The following TM2D2 variants were observed in gnomAD, a reference collection of about 807,000 sequenced individuals.
TM2D2 encodes TM2 domain-containing protein 2.
A neutral mutation model predicts 23.0 loss-of-function variants in TM2D2; 19 were observed. The observed-to-expected ratio is 0.82, with a 90% CI of 0.58 to 1.21. The LOEUF is 1.21. Among genes scored for constraint, TM2D2 ranks in the 50% most tolerant of loss-of-function variants. TM2D2 has a pLI of 0.00. For synonymous variants in TM2D2, 120 were observed against 108.8 expected (o/e 1.10, Z -0.64); for missense variants, 246 against 265.4 (o/e 0.93, Z 0.51).
In TM2D2 at chr8:38,996,286, G is replaced by T; in HGVS notation, c.154C>A (p.Pro52Thr). ...CTCGCAGCACCCCCGGGGCCCTCCGGCTGGGCGGCGCCAGCGGATGTGAGC... is the reference window on the plus strand; with the variant it reads ...CTCGCAGCACCCCCGGGGCCCTCCGTCTGGGCGGCGCCAGCGGATGTGAGC... ...PELTSAGAAQPEGPGGAASWE... is the reference protein window; with the variant it reads ...PELTSAGAAQTEGPGGAASWE... Residue 52 changes from proline (P) to threonine (T), a missense_variant, in exon 1 of 4, where the codon CCG becomes ACG. Physicochemically the swap from Pro to Thr is conservative, Grantham distance 38. This residue lies in a region of TM2D2 where 212 missense variants were observed against 202.2 expected (regional missense o/e 1.05). Coordinates refer to ENST00000456397, the MANE Select transcript of TM2D2 (RefSeq NM_078473.3). 2 of 1,614,042 alleles carry T rather than the reference G, an allele frequency of 1.2e-6. No homozygotes were observed. The highest frequency in any genetic ancestry group is 8.5e-7 in the Non-Finnish European group (1 of 1,180,008).
rs1835542356 is a variant in TM2D2 at position 38,989,513 on chromosome 8, TCTCA to T, written c.*1815_*1818del. The T allele has an allele frequency of 1.3e-5, 2 of 152,330 alleles. 1 individual carries two copies. The highest frequency in any genetic ancestry group is 4.1e-4 in the South Asian group (2 of 4,830). 9.4% of individuals were successfully genotyped at this position (152,330 alleles called of 1,614,324 possible). On this transcript the variant is annotated 3_prime_UTR_variant, in exon 4 of 4. Coordinates refer to ENST00000456397, the MANE Select transcript of TM2D2 (RefSeq NM_078473.3). ...GACTGGGCGGGGGTGGGGGAGTGTG[TCTCA>T]CCATGTTGGCCAGGCTGGTCTCGAA...
rs1427893992 is a variant in TM2D2, at chr8:38,990,366, A to G, written c.*966T>C. 1 of 152,232 alleles carries G rather than the reference A, an allele frequency of 6.6e-6. No homozygotes were observed. The highest frequency in any genetic ancestry group is 6.5e-5 in the Admixed American group (1 of 15,280). The allele number at this position is 152,232 out of a possible 1,614,324, so 9.4% of individuals were successfully genotyped here. ...TTATATTTAATAGTTCTTTCAACTT[A>G]GATTGCAAACGATGAGAACTGAGTT... On this transcript the variant is annotated 3_prime_UTR_variant, in exon 4 of 4. Transcript: ENST00000456397.
intron 1 of TM2D2, 123 bp downstream of exon 1, chr8:38,996,090 G>A (rs1564199771): frequency 2.5e-6 from 3 of 1,185,806 alleles, no homozygotes; most frequent in East Asian, 5.2e-5. Flanking sequence ...TTTGCCTCCG[G>A]AACGACCTCA....
Position 38,996,440 on chromosome 8 carries a change from C to A in TM2D2, c.-1G>T. The A allele has an allele frequency of 6.2e-7, 1 of 1,614,006 alleles. No homozygotes were observed. Among genetic ancestry groups the A allele is most frequent in the African/African-American group, 1.3e-5 (1 of 75,072 alleles). On this transcript the variant is annotated 5_prime_UTR_variant, in exon 1 of 4. Transcript: ENST00000456397. ...TAACCGGGCAACCACCTAGCACCATCTTCCCGGGCACAGGAGCGGAGACCC... is the reference window on the plus strand; with the variant it reads ...TAACCGGGCAACCACCTAGCACCATATTCCCGGGCACAGGAGCGGAGACCC...
Position 38,995,402 on chromosome 8 carries a change from A to G in TM2D2, c.231T>C (p.Pro77=). ...GGTCTTCACATTCTATAAATTCATC[A>G]GGTCTGTAATTCACCAGTAAGATCA... ...HSPVILCSYL[P]DEFIECEDPV... Residue 77 remains proline (P), a synonymous_variant, in exon 2 of 4, where the codon CCT becomes CCC. Coordinates refer to ENST00000456397, the MANE Select transcript of TM2D2 (RefSeq NM_078473.3). 1.9e-6 allele frequency: 3 copies of G among 1,612,542 alleles called. No individual in the cohort carries two copies. Among genetic ancestry groups the G allele is most frequent in the Non-Finnish European group, 2.5e-6 (3 of 1,179,502 alleles).
At position 38,990,227 on chromosome 8, in the gene TM2D2, T is replaced by C. The variant is rs1216094924; in HGVS notation, c.*1105A>G. 1 of 152,272 alleles carries C rather than the reference T, an allele frequency of 6.6e-6. No individual in the cohort carries two copies. 9.4% of individuals were successfully genotyped at this position (152,272 alleles called of 1,614,324 possible). A position where few individuals can be genotyped will look rare whatever the true frequency, so the allele number is the denominator to read the frequency against. ...TTATTTCAACTGTGATATTTGGTCT[T>C]AAATTCAATTATTATTAGGTAAACT... is the stretch of plus-strand genomic sequence containing the variant. On this transcript the variant is annotated 3_prime_UTR_variant, in exon 4 of 4. Coordinates refer to ENST00000456397, the MANE Select transcript of TM2D2 (RefSeq NM_078473.3).
Position 38,990,062 on chromosome 8 carries a change from AAGACAGAAT to A in TM2D2, c.*1261_*1269del, listed in dbSNP as rs1444203580. The A allele has an allele frequency of 1.3e-5, 2 of 152,234 alleles. No homozygotes were observed. The highest frequency in any genetic ancestry group is 2.9e-5 in the Non-Finnish European group (2 of 68,044). 9.4% of individuals were successfully genotyped at this position (152,234 alleles called of 1,614,324 possible). ...AAGGTCAGTGTGGTACAGAACTTTC[AAGACAGAAT>A]AGGATCATCTGTTTTAAATTTTTTA... On this transcript the variant is annotated 3_prime_UTR_variant, in exon 4 of 4. Transcript: ENST00000456397.
At chr8:38,995,659 T>TGGTTTCATC in intron 1 of TM2D2, 1 of 1,369,454 alleles carries the variant, frequency 7.3e-7, no homozygotes, top group Non-Finnish European at 9.4e-7. Flanking sequence ...ACTTCTGCCA[T>TGGTTTCATC]GGTTTCATCT....
chr8:38,993,698 G>C (rs758866679), intron 2 of TM2D2, 38 bp from the exon 3 acceptor site: 12 of 1,465,622 alleles, frequency 8.2e-6, no homozygotes, highest in South Asian at 2.3e-5. Flanking sequence ...CAACTCACCA[G>C]AGCAAGTGAC....
Position 38,991,192 on chromosome 8 carries a change from C to T in TM2D2, c.*140G>A. Reference sequence around the variant, plus strand: ...GTTGAAATTCCAAAGTCCAAAGAAGCCTTCTTAACCAAACAAATGCCCTCC... The same window carrying T: ...GTTGAAATTCCAAAGTCCAAAGAAGTCTTCTTAACCAAACAAATGCCCTCC... On this transcript the variant is annotated 3_prime_UTR_variant, in exon 4 of 4. Transcript: ENST00000456397. 1 of 739,344 alleles carries T rather than the reference C, an allele frequency of 1.4e-6. No individual in the cohort carries two copies. Among genetic ancestry groups the T allele is most frequent in the Admixed American group, 2.9e-5 (1 of 34,870 alleles). The allele number at this position is 739,344 out of a possible 1,614,324, so 45.8% of individuals were successfully genotyped here. A position where few individuals can be genotyped will look rare whatever the true frequency, so the allele number is the denominator to read the frequency against.
At chr8:38,995,798 C>G (rs1378225271) in intron 1 of TM2D2, 1 of 1,236,520 alleles carries the variant, frequency 8.1e-7, no homozygotes, top group East Asian at 4.0e-5. Flanking sequence ...CGTGATTCTG[C>G]AACGGTAAGA....
At position 38,990,982 on chromosome 8, in the gene TM2D2, C is replaced by G. The variant is rs1343431060; in HGVS notation, c.*350G>C. 2 of 251,248 alleles carry G rather than the reference C, an allele frequency of 8.0e-6. No individual in the cohort carries two copies. The highest frequency in any genetic ancestry group is 1.5e-5 in the Non-Finnish European group (2 of 129,396). The allele number at this position is 251,248 out of a possible 1,614,324, so 15.6% of individuals were successfully genotyped here. ...GGATCCAAATATTCATTTTGCTCAACTTGTTAGGTCCACTTGCTCCAAAGG... is the reference window on the plus strand; with the variant it reads ...GGATCCAAATATTCATTTTGCTCAAGTTGTTAGGTCCACTTGCTCCAAAGG... On this transcript the variant is annotated 3_prime_UTR_variant, in exon 4 of 4. Coordinates refer to ENST00000456397, the MANE Select transcript of TM2D2 (RefSeq NM_078473.3).
rs201350341 is a variant in TM2D2 at position 38,991,431 on chromosome 8, C to T, written c.546G>A (p.Thr182=). ...HTGTAVGKLL[T]LGGLGIWWFV... Reference sequence around the variant, plus strand: ...ACCACCAAATCCCAAGTCCTCCAAGCGTCAACAGCTTCCCTACTGCAGTGC... The same window carrying T: ...ACCACCAAATCCCAAGTCCTCCAAGTGTCAACAGCTTCCCTACTGCAGTGC... The change falls in exon 4 of 4, where the codon ACG becomes ACA. Residue 182 remains threonine, a synonymous_variant. Coordinates refer to ENST00000456397, the MANE Select transcript of TM2D2 (RefSeq NM_078473.3). 3.3e-5 allele frequency: 54 copies of T among 1,614,054 alleles called. No homozygotes were observed. Among genetic ancestry groups the T allele is most frequent in the Non-Finnish European group, 4.3e-5 (51 of 1,180,052 alleles).
chr8:38,996,768 G>C (rs1218350954), upstream of TM2D2: 5 of 1,420,526 alleles, frequency 3.5e-6, no homozygotes, highest in Non-Finnish European at 4.6e-6. Context: ...GACGGGGCGG[G>C]GCGGATATGA....
Position 38,996,425 on chromosome 8 carries a change from A to G in TM2D2, c.15T>C (p.Gly5=). The change falls in exon 1 of 4, where the codon GGT becomes GGC. Residue 5 remains glycine (G), a synonymous_variant. Transcript: ENST00000456397. ...ACAGAAGTAAGTAACTAACCGGGCAACCACCTAGCACCATCTTCCCGGGCA... is the reference window on the plus strand; with the variant it reads ...ACAGAAGTAAGTAACTAACCGGGCAGCCACCTAGCACCATCTTCCCGGGCA... MVLG[G]CPVSYLLLCG... is the part of the protein sequence containing the mutation. 6.2e-7 allele frequency: 1 copy of G among 1,614,110 alleles called. No homozygotes were observed. The highest frequency in any genetic ancestry group is 8.5e-7 in the Non-Finnish European group (1 of 1,180,008).
chr8:38,996,383 C>T lies in TM2D2; in HGVS notation c.57G>A (p.Leu19=). ...SYLLLCGQAA[L]LLGNLLLLHC... ...GCAGCAGAAGTAAATTCCCCAGCAG[C>T]AAAGCCGCCTGGCCGCACAGAAGTA... The change falls in exon 1 of 4, where the codon TTG becomes TTA. Residue 19 remains leucine, a synonymous_variant. Transcript: ENST00000456397. 1.2e-6 allele frequency: 2 copies of T among 1,614,234 alleles called. No individual in the cohort carries two copies. The highest frequency in any genetic ancestry group is 1.7e-6 in the Non-Finnish European group (2 of 1,180,036).
In TM2D2 at chr8:38,991,495, C is replaced by T. The variant is rs1263944101; in HGVS notation, c.482G>A (p.Gly161Glu). 1 of 1,614,134 alleles carries T rather than the reference C, an allele frequency of 6.2e-7. No homozygotes were observed. Among genetic ancestry groups the T allele is most frequent in the Admixed American group, 1.7e-5 (1 of 60,026 alleles). Reference protein sequence around the residue: ...ITTLLYSFFLGCFGVDRFCLG... With the variant: ...ITTLLYSFFLECFGVDRFCLG... ...ACAGAATCGATCCACACCAAAACAT[C>T]CCAGGAAGAAGGAGTAGAGTAAAGT... The change falls in exon 4 of 4, where the codon GGA becomes GAA. Residue 161 changes from glycine (G) to glutamate (E), a missense_variant. Transcript: ENST00000456397.
At position 38,990,325 on chromosome 8, in the gene TM2D2, T is replaced by C. The variant is rs986640814; in HGVS notation, c.*1007A>G. On this transcript the variant is annotated 3_prime_UTR_variant, in exon 4 of 4. Coordinates refer to ENST00000456397, the MANE Select transcript of TM2D2 (RefSeq NM_078473.3). ...AGCCTCTTCCATTGACTTGGCCACA[T>C]TGCCCACCTTTGATTTTATATTTAA... The C allele has an allele frequency of 3.9e-5, 6 of 152,240 alleles. No homozygotes were observed. The highest frequency in any genetic ancestry group is 6.5e-5 in the Admixed American group (1 of 15,274). 9.4% of individuals were successfully genotyped at this position (152,240 alleles called of 1,614,324 possible).
rs1170807095 is a variant in TM2D2, at chr8:38,991,123, A to C, written c.*209T>G. 1.5e-5 allele frequency: 9 copies of C among 594,510 alleles called. No individual in the cohort carries two copies. The highest frequency in any genetic ancestry group is 2.7e-5 in the Non-Finnish European group (9 of 335,804). The allele number at this position is 594,510 out of a possible 1,614,324, so 36.8% of individuals were successfully genotyped here. On this transcript the variant is annotated 3_prime_UTR_variant, in exon 4 of 4. Coordinates refer to ENST00000456397, the MANE Select transcript of TM2D2 (RefSeq NM_078473.3). ...AGGAAAGGAACAAATTTGATTCCCC[A>C]CAACACTTTTTGCTTGTCATTCCGT...
Sources: allele counts gnomAD v4.1 joint callset, GRCh38; gene constraint gnomAD v4.1.1; regional missense constraint gnomAD v4.1.1; transcripts MANE v1.5; gene names NCBI Gene and HGNC (gene_info 2026-07-23, HGNC 2026-07-21).